Variants in TBC1D14 observed in about 807,000 individuals in gnomAD.
The protein encoded by TBC1D14 is TBC1 domain family member 14.
In TBC1D14, 26 loss-of-function variants were observed where a neutral mutation model predicts 79.0. The observed-to-expected ratio is 0.33, with a 90% confidence interval of 0.24 to 0.46. The LOEUF is 0.46. TBC1D14 is among the 20% of genes least tolerant of loss of function. TBC1D14 has a pLI of 1.00. For missense variants in TBC1D14, 769 were observed against 887.6 expected, an observed-to-expected ratio of 0.87 and a Z score of 1.70; for synonymous variants, 394 against 349.9, an observed-to-expected ratio of 1.13 and a Z score of -1.40.
intron 2 of TBC1D14, among the ~76,000 whole-genome samples, chr4:6,930,060 G>T (rs1711588221): frequency 6.6e-6 from 1 of 152,206 alleles, no homozygotes; most frequent in Non-Finnish European, 1.5e-5. Context: ...AGAGCAAAAG[G>T]AGATGAATGA....
chr4:6,909,972 G>C (rs895544343), intron 1 of TBC1D14, 21 bp downstream of exon 1: 5 of 147,510 alleles, frequency 3.4e-5, no homozygotes, highest in African/African-American at 1.2e-4. Context: ...CCTCCCGCGA[G>C]GGCCGGGCCG....
chr4:6,967,355 G>C lies in TBC1D14; in HGVS notation c.774G>C (p.Leu258Phe), dbSNP rs770146711. The C allele has an allele frequency of 1.9e-6, 3 of 1,614,038 alleles. No individual in the cohort carries two copies. The highest frequency in any genetic ancestry group is 2.5e-6 in the Non-Finnish European group (3 of 1,180,018). ...QSARLDKHND[L>F]GWKLFGKAPL... is the part of the protein sequence containing the mutation. The stretch of plus-strand genomic sequence containing the variant: ...CAAGGCTTGACAAACACAATGACTT[G>C]GGATGGAAGTTATTTGGGAAAGCGC... The change falls in exon 3 of 14, where the codon TTG becomes TTC. Residue 258 changes from leucine to phenylalanine, a missense_variant. Leu to Phe is a conservative substitution (Grantham distance 22, BLOSUM62 0). This residue lies in a region of TBC1D14 where 402 missense variants were observed against 393.2 expected (regional missense o/e 1.02). Coordinates refer to ENST00000409757, the MANE Select transcript of TBC1D14 (RefSeq NM_020773.3).
chr4:7,024,729 A>C (rs978304288), intron 12 of TBC1D14, among the ~76,000 whole-genome samples: 8 of 152,208 alleles, frequency 5.3e-5, no homozygotes, highest in African/African-American at 1.9e-4. Flanking sequence ...GTGAGCACAC[A>C]GTAGGGGCTC....
intron 2 of TBC1D14, among the ~76,000 whole-genome samples, chr4:6,935,176 C>T (rs1386895780): frequency 6.6e-6 from 1 of 151,546 alleles, no homozygotes; most frequent in East Asian, 1.9e-4. Flanking sequence ...GGTGGCTTTG[C>T]TACAGAGTGG....
intron 2 of TBC1D14, among the ~76,000 whole-genome samples, chr4:6,941,680 C>T (rs1306543117): frequency 1.3e-5 from 2 of 152,138 alleles, no homozygotes; most frequent in African/African-American, 4.8e-5. Flanking sequence ...GTGTTTCTGC[C>T]CTGGTTTCTG....
chr4:7,023,770 G>C (rs1201830342), intron 12 of TBC1D14, among the ~76,000 whole-genome samples: 2 of 152,182 alleles, frequency 1.3e-5, no homozygotes, highest in Non-Finnish European at 2.9e-5. Context: ...TGAGATGAGA[G>C]AGCCCGTCTC....
chr4:6,927,808 C>G (rs1038924040), intron 2 of TBC1D14, among the ~76,000 whole-genome samples: 35 of 152,310 alleles, frequency 2.3e-4, no homozygotes, highest in African/African-American at 7.2e-4. Flanking sequence ...AATCACCCAG[C>G]CTTTGAGAAT....
At chr4:7,002,138 CGG>C (rs1217137447) in intron 7 of TBC1D14, among the ~76,000 whole-genome samples, 1 of 152,186 alleles carries the variant, frequency 6.6e-6, no homozygotes, top group Non-Finnish European at 1.5e-5. Flanking sequence ...CACGCCCTCA[CGG>C]AGCGTCAGCC....
chr4:7,022,536 A>C (rs1721931608), intron 12 of TBC1D14, among the ~76,000 whole-genome samples: 1 of 152,222 alleles, frequency 6.6e-6, no homozygotes, highest in African/African-American at 2.4e-5. Flanking sequence ...GACACACAGC[A>C]TGTGGGAAGA....
intron 2 of TBC1D14, among the ~76,000 whole-genome samples, chr4:6,939,324 C>T (rs1384282801): frequency 1.3e-5 from 2 of 150,894 alleles, no homozygotes; most frequent in South Asian, 4.2e-4. Context: ...TCCACAGGAG[C>T]CCCCCCCAGG....
In TBC1D14 at chr4:6,968,511, G is replaced by A. The variant is rs115914812; in HGVS notation, c.843+1087G>A. Among the ~76,000 whole-genome samples, 478 of 152,338 alleles carry A rather than the reference G, an allele frequency of 3.1e-3. 2 individuals are homozygous for A. Among genetic ancestry groups the A allele is most frequent in the African/African-American group, 0.01 (428 of 41,584 alleles). Reference sequence around the variant, plus strand: ...AAAGAAGCACTGAGACACAGAGGCTGTGTGACTTGATGTGCAGGGTCACAT... The same window carrying A: ...AAAGAAGCACTGAGACACAGAGGCTATGTGACTTGATGTGCAGGGTCACAT... On this transcript the variant is annotated intron_variant, in intron 3 of 13. Transcript: ENST00000409757.
intron 2 of TBC1D14, among the ~76,000 whole-genome samples, chr4:6,944,649 T>C (rs1024098544): frequency 1.3e-5 from 2 of 152,230 alleles, no homozygotes; most frequent in African/African-American, 4.8e-5. Context: ...TCACCATGGC[T>C]CTGGCCTCTG....
In TBC1D14 at chr4:6,916,743, G is replaced by A. The variant is rs573168290; in HGVS notation, c.-17-6630G>A. Among the ~76,000 whole-genome samples the A allele has an allele frequency of 3.9e-5, 6 of 152,318 alleles. No individual in the cohort carries two copies. In the East Asian group the frequency reaches 9.6e-4, roughly 24 times the overall value. On this transcript the variant is annotated intron_variant, in intron 1 of 13. Transcript: ENST00000409757. ...GGCCTTGTTGCATGGAATGGAAACA[G>A]TCTTCCTCTTATCCGTACTTCACAT...
chr4:6,971,418 A>G (rs1194142478), intron 3 of TBC1D14, among the ~76,000 whole-genome samples: 1 of 152,224 alleles, frequency 6.6e-6, no homozygotes, highest in African/African-American at 2.4e-5. Context: ...ACATTTGCCC[A>G]GTACATCGGA....
At chr4:6,987,395 G>A in intron 3 of TBC1D14, 1 of 1,382,450 alleles carries the variant, frequency 7.2e-7, no homozygotes, top group South Asian at 1.6e-5. Flanking sequence ...CCCCAGGCCT[G>A]CCCGGTCCCG....
At chr4:6,970,690 C>G (rs1716144750) in intron 3 of TBC1D14, among the ~76,000 whole-genome samples, 1 of 151,014 alleles carries the variant, frequency 6.6e-6, no homozygotes, top group Non-Finnish European at 1.5e-5. Context: ...TGGCCAGGAG[C>G]TTTGGACCTG....
At chr4:7,002,691 G>A (rs931489604) in intron 7 of TBC1D14, among the ~76,000 whole-genome samples, 3 of 152,202 alleles carry the variant, frequency 2.0e-5, no homozygotes, top group African/African-American at 4.8e-5. Flanking sequence ...CCAAGCCTGG[G>A]TCTCTGCATG....
At chr4:6,992,479 A>G (rs1369771574) in intron 3 of TBC1D14, among the ~76,000 whole-genome samples, 1 of 152,232 alleles carries the variant, frequency 6.6e-6, no homozygotes, top group East Asian at 1.9e-4. Context: ...CTGTGAAGAC[A>G]AAGTGAGTCC....
chr4:7,004,905 C>T lies in TBC1D14; in HGVS notation c.1332C>T (p.Gly444=), dbSNP rs763574260. The change falls in exon 8 of 14, where the codon GGC becomes GGT. Residue 444 remains glycine, a synonymous_variant. Transcript: ENST00000409757. ...KERWRSLSTG[G]SEVENEDAGF... is the part of the protein sequence containing the mutation. Reference sequence around the variant, plus strand: ...GGTGGCGGTCCCTTAGCACAGGAGGCTCTGAAGTGGAGAACGAAGGTAGAA... The same window carrying T: ...GGTGGCGGTCCCTTAGCACAGGAGGTTCTGAAGTGGAGAACGAAGGTAGAA... The T allele has an allele frequency of 6.2e-7, 1 of 1,614,130 alleles. No homozygotes were observed. The highest frequency in any genetic ancestry group is 8.5e-7 in the Non-Finnish European group (1 of 1,180,004).
Sources: gnomAD v4.1 joint callset for allele counts (sites outside exome capture counted in the v4.1 genomes callset) on GRCh38, gnomAD v4.1.1 for gene constraint, gnomAD v4.1.1 regional missense constraint, MANE v1.5 for transcripts, NCBI Gene and HGNC (gene_info 2026-07-23, HGNC 2026-07-21) for gene names.